THBS4: variants seen among roughly 807,000 people sequenced by gnomAD.
The protein encoded by THBS4 is thrombospondin 4.
In THBS4, 90 loss-of-function variants were observed where a neutral mutation model predicts 115.7. The ratio of observed to expected loss-of-function variants is 0.78; its 90% confidence interval spans 0.66 to 0.93. The LOEUF (loss-of-function observed/expected upper bound fraction) is 0.93. Among genes scored for constraint, THBS4 ranks in the 40% least tolerant of loss-of-function variants. The pLI is 0.00. For missense variants in THBS4, 1,087 were observed against 1,232.7 expected (o/e 0.88, Z 1.77); for synonymous variants, 460 against 479.3 (o/e 0.96, Z 0.53).
At chr5:80,003,758 A>AC (rs1273419918) in intron 2 of THBS4, among the ~76,000 whole-genome samples, 2 of 151,858 alleles carry the variant, frequency 1.3e-5, no homozygotes, top group Admixed American at 1.3e-4. Context: ...ATCTCTGAAG[A>AC]CCCCCTTCTT....
At position 80,058,318 on chromosome 5, in the gene THBS4, T is replaced by G. The variant is rs1363920033; in HGVS notation, c.649+4T>G. The G allele has an allele frequency of 5.8e-6, 9 of 1,553,134 alleles. No individual in the cohort carries two copies. Among genetic ancestry groups the G allele is most frequent in the Non-Finnish European group, 7.8e-6 (9 of 1,147,168 alleles). On this transcript the variant is annotated splice_donor_region_variant and intron_variant, in intron 4 of 21. Transcript: ENST00000350881. ...CCACTGGCTGCCACAGGCACAGGTG[T>G]GGGCTCTTGGGCAGTTTGCATGCCT... is the stretch of plus-strand genomic sequence containing the variant.
chr5:80,018,872 G>A (rs1832304170), intron 2 of THBS4, among the ~76,000 whole-genome samples: 1 of 152,120 alleles, frequency 6.6e-6, no homozygotes, highest in Non-Finnish European at 1.5e-5. Context: ...CTCTTACTTG[G>A]TGTGCCTTTT....
rs569018305 is a variant in THBS4, at chr5:80,070,703, G to A, written c.1513G>A (p.Asp505Asn). Residue 505 changes from aspartate to asparagine, a missense_variant, in exon 12 of 22, where the codon GAC becomes AAC. Asp to Asn is a conservative substitution (Grantham distance 23). This residue lies in a region of THBS4 where 979 missense variants were observed against 1,103.7 expected (regional missense o/e 0.89). Coordinates refer to ENST00000350881, the MANE Select transcript of THBS4 (RefSeq NM_003248.6). ...QEDADRDGIG[D>N]ACDEDADGDG... is the part of the protein sequence containing the mutation. ...AGATGCAGACAGAGATGGCATTGGC[G>A]ACGCTTGTGACGAGGATGCTGACGG... The A allele has an allele frequency of 8.1e-6, 13 of 1,614,188 alleles. No individual in the cohort carries two copies. The highest frequency in any genetic ancestry group is 4.5e-5 in the East Asian group (2 of 44,884).
chr5:80,060,014 C>T (rs1017355426), intron 7 of THBS4, 109 bp downstream of exon 7: 12 of 1,088,152 alleles, frequency 1.1e-5, no homozygotes, highest in Non-Finnish European at 9.4e-6. Context: ...GGCTGTCCTC[C>T]AGGCTCCATT....
intron 8 of THBS4, among the ~76,000 whole-genome samples, 176 bp downstream of exon 8, chr5:80,062,008 A>G (rs1281786084): frequency 6.6e-6 from 1 of 152,228 alleles, no homozygotes; most frequent in Non-Finnish European, 1.5e-5. Context: ...ATTTACATTT[A>G]TAAAATCTAG....
rs1054604904 is a variant in THBS4 at position 80,058,621 on chromosome 5, T to C, written c.650-87T>C. On this transcript the variant is annotated intron_variant, in intron 4 of 21. Transcript: ENST00000350881. ...GGGTTTTTGAATCATCTTGTCAGGA[T>C]GATTTCCTGGGGAATAATTTGGTTT... 24 of 1,163,944 alleles carry C rather than the reference T, an allele frequency of 2.1e-5. No individual in the cohort carries two copies. The African/African-American group carries it at 2.9e-4, about 14-fold the overall frequency. 72.1% of individuals were successfully genotyped at this position (1,163,944 alleles called of 1,614,324 possible).
At chr5:80,081,050 A>AG (rs1190736648) in intron 20 of THBS4, among the ~76,000 whole-genome samples, 4 of 152,194 alleles carry the variant, frequency 2.6e-5, no homozygotes, top group African/African-American at 9.7e-5. Context: ...TAGGAGGCTT[A>AG]GGGCTGTGTC....
At chr5:80,028,753 C>T (rs1832528585) in intron 2 of THBS4, among the ~76,000 whole-genome samples, 1 of 152,168 alleles carries the variant, frequency 6.6e-6, no homozygotes. Context: ...GCTACCATGC[C>T]CGGCCCACAA....
chr5:80,060,025 G>A (rs963423442), intron 7 of THBS4, 120 bp downstream of exon 7: 3 of 921,114 alleles, frequency 3.3e-6, no homozygotes, highest in African/African-American at 3.3e-5. Context: ...AGGCTCCATT[G>A]AAACCACTTG....
At chr5:80,078,695 C>T in intron 17 of THBS4, 1 of 478,690 alleles carries the variant, frequency 2.1e-6, no homozygotes, top group Non-Finnish European at 3.7e-6. Flanking sequence ...GTGACAGTCT[C>T]AGCAAACTTA....
At chr5:80,062,330 A>G (rs923105572) in intron 8 of THBS4, among the ~76,000 whole-genome samples, 1 of 152,192 alleles carries the variant, frequency 6.6e-6, no homozygotes, top group Non-Finnish European at 1.5e-5. Flanking sequence ...ACTTCTTGAC[A>G]GTCTCCATTT....
At chr5:79,999,300 C>T (rs1317832801) in intron 2 of THBS4, among the ~76,000 whole-genome samples, 2 of 152,106 alleles carry the variant, frequency 1.3e-5, no homozygotes, top group Non-Finnish European at 2.9e-5. Context: ...TATACTATCC[C>T]TGTGAGGAAT....
At chr5:80,040,835 A>T (rs761518366) in intron 2 of THBS4, among the ~76,000 whole-genome samples, 1 of 152,152 alleles carries the variant, frequency 6.6e-6, no homozygotes, top group Non-Finnish European at 1.5e-5. Context: ...TCTGACAAGG[A>T]CTTTCTTGTG....
chr5:80,072,423 C>T (rs200396196), intron 14 of THBS4, 27 bp downstream of exon 14: 21 of 1,590,752 alleles, frequency 1.3e-5, no homozygotes, highest in Non-Finnish European at 1.7e-5. Context: ...GGAATTCAAA[C>T]TCCAGGCTGA....
intron 16 of THBS4, among the ~76,000 whole-genome samples, chr5:80,077,723 G>A (rs1181639147): frequency 3.9e-5 from 6 of 152,214 alleles, no homozygotes; most frequent in Non-Finnish European, 5.9e-5. Flanking sequence ...GCTTATGTGA[G>A]GTCAAGCTTA....
At chr5:80,024,374 C>T (rs1832435102) in intron 2 of THBS4, among the ~76,000 whole-genome samples, 1 of 152,154 alleles carries the variant, frequency 6.6e-6, no homozygotes, top group Non-Finnish European at 1.5e-5. Context: ...GTTTCAGGTC[C>T]CTGAAGTCAG....
chr5:80,056,473 C>T (rs1426558964), intron 3 of THBS4, among the ~76,000 whole-genome samples: 2 of 152,136 alleles, frequency 1.3e-5, no homozygotes, highest in Non-Finnish European at 2.9e-5. Context: ...TTCATAACAG[C>T]ATTTTCACAG....
intron 2 of THBS4, among the ~76,000 whole-genome samples, chr5:80,001,359 G>A (rs972373291): frequency 3.9e-5 from 6 of 152,166 alleles, no homozygotes; most frequent in South Asian, 2.1e-4. Context: ...TATTATACTC[G>A]TTTTGCAGAT....
chr5:79,998,978 T>A (rs192519026), intron 2 of THBS4, among the ~76,000 whole-genome samples: 6 of 152,102 alleles, frequency 3.9e-5, no homozygotes, highest in African/African-American at 1.4e-4. Context: ...CAGCCGGGAG[T>A]AAAGATGCTC....
Sources: allele counts gnomAD v4.1 joint callset (sites outside exome capture counted in the v4.1 genomes callset), GRCh38; gene constraint gnomAD v4.1.1; regional missense constraint gnomAD v4.1.1; transcripts MANE v1.5; gene names NCBI Gene and HGNC (gene_info 2026-07-23, HGNC 2026-07-21).